Variants in STXBP4 observed in about 807,000 individuals in gnomAD.
STXBP4 encodes the protein syntaxin-binding protein 4.
STXBP4 carries 55 observed loss-of-function variants against 76.1 expected under a neutral mutation model. That is an observed-to-expected ratio of 0.72 (90% CI 0.58 to 0.91). The LOEUF (loss-of-function observed/expected upper bound fraction) is 0.91, where lower values mean the gene tolerates loss of function less well. Among genes scored for constraint, STXBP4 ranks in the 40% least tolerant of loss-of-function variants. The pLI is 0.00. For missense variants in STXBP4, 618 were observed against 636.9 expected (o/e 0.97, Z 0.32); for synonymous variants, 201 against 220.2 (o/e 0.91, Z 0.77).
chr17:55,023,276 G>A (rs1336832154), intron 8 of STXBP4, among the ~76,000 whole-genome samples: 2 of 152,112 alleles, frequency 1.3e-5, no homozygotes, highest in African/African-American at 4.8e-5. Context: ...ATGAATATAG[G>A]GTTGAGTCTC....
chr17:55,121,133 A>G (rs1356602482), intron 16 of STXBP4, among the ~76,000 whole-genome samples: 2 of 152,190 alleles, frequency 1.3e-5, no homozygotes, highest in Admixed American at 1.3e-4. Flanking sequence ...AGTACCCTCA[A>G]AGAGCTAGCA....
chr17:55,079,713 G>T (rs1183896525), intron 15 of STXBP4, among the ~76,000 whole-genome samples: 1 of 151,944 alleles, frequency 6.6e-6, no homozygotes, highest in Non-Finnish European at 1.5e-5. Context: ...GGAGATTGAG[G>T]CTGCAATGAG....
chr17:55,113,478 C>T (rs992835921), intron 16 of STXBP4, among the ~76,000 whole-genome samples: 4 of 151,934 alleles, frequency 2.6e-5, no homozygotes, highest in Non-Finnish European at 5.9e-5. Context: ...CTGCTTATGC[C>T]CAGATTTCTG....
At chr17:55,185,594 T>C in the STXBP4 span, among the ~76,000 whole-genome samples, 1 of 152,156 alleles carries the variant, frequency 6.6e-6, no homozygotes, top group African/African-American at 2.4e-5. Flanking sequence ...CATTATAACA[T>C]GAGCAACTTC....
At chr17:54,985,343 A>G (rs1006615519) in intron 1 of STXBP4, among the ~76,000 whole-genome samples, 4 of 152,156 alleles carry the variant, frequency 2.6e-5, no homozygotes, top group Non-Finnish European at 5.9e-5. Context: ...CAACAACAAC[A>G]ACAACAACAA....
At chr17:54,998,772 G>A (rs2077856788) in intron 4 of STXBP4, among the ~76,000 whole-genome samples, 1 of 152,090 alleles carries the variant, frequency 6.6e-6, no homozygotes, top group Admixed American at 6.5e-5. Context: ...GATTGCTTGA[G>A]CCCAGGAGTT....
intron 16 of STXBP4, among the ~76,000 whole-genome samples, chr17:55,140,058 C>A (rs910133388): frequency 6.6e-6 from 1 of 152,098 alleles, no homozygotes. Flanking sequence ...AATTCTATCA[C>A]TTTGGGAGGC....
chr17:55,183,328 G>C, the STXBP4 span, among the ~76,000 whole-genome samples: 2 of 152,192 alleles, frequency 1.3e-5, no homozygotes, highest in African/African-American at 4.8e-5. Flanking sequence ...GCTCATGCCT[G>C]TAAACCCAGC....
chr17:55,146,259 A>G (rs1381926193), intron 17 of STXBP4, among the ~76,000 whole-genome samples: 1 of 152,188 alleles, frequency 6.6e-6, no homozygotes, highest in African/African-American at 2.4e-5. Context: ...TGCATAATAA[A>G]TTTCTCCAAA....
the STXBP4 span, among the ~76,000 whole-genome samples, chr17:55,206,302 C>A: frequency 1.3e-4 from 20 of 152,096 alleles, no homozygotes; most frequent in African/African-American, 4.6e-4. Flanking sequence ...TGCCCCCCAA[C>A]CCCATTCATA....
intron 12 of STXBP4, among the ~76,000 whole-genome samples, chr17:55,053,768 C>A (rs930138335): frequency 7.2e-5 from 11 of 151,944 alleles, no homozygotes; most frequent in African/African-American, 2.2e-4. Context: ...ATGGCCAGAT[C>A]TTTTTACATT....
At chr17:55,002,353 T>C (rs2077935579) in intron 7 of STXBP4, among the ~76,000 whole-genome samples, 1 of 152,230 alleles carries the variant, frequency 6.6e-6, no homozygotes, top group South Asian at 2.1e-4. Flanking sequence ...ATGTGTAGAA[T>C]ACAGTACAAC....
intron 16 of STXBP4, among the ~76,000 whole-genome samples, chr17:55,094,531 C>T (rs189527354): frequency 2.0e-5 from 3 of 152,214 alleles, no homozygotes; most frequent in African/African-American, 7.2e-5. Flanking sequence ...AGTGTGTCAG[C>T]ATGTATAACT....
intron 6 of STXBP4, chr17:55,000,304 T>G (rs1192372315): frequency 1.0e-6 from 1 of 974,710 alleles, no homozygotes; most frequent in Non-Finnish European, 1.2e-6. Flanking sequence ...TTCACCCAAG[T>G]AGAATCACAC....
chr17:55,061,636 A>T (rs1387524100), intron 12 of STXBP4, among the ~76,000 whole-genome samples: 1 of 152,188 alleles, frequency 6.6e-6, no homozygotes, highest in African/African-American at 2.4e-5. Context: ...CCACAGCCAC[A>T]TCCTACCTGC....
At chr17:55,116,708 A>G (rs995984534) in intron 16 of STXBP4, among the ~76,000 whole-genome samples, 3 of 151,836 alleles carry the variant, frequency 2.0e-5, no homozygotes, top group African/African-American at 7.2e-5. Flanking sequence ...AAAGGAGGCA[A>G]TTGTTAAGTT....
At chr17:55,150,919 C>T (rs2080209270) in intron 17 of STXBP4, among the ~76,000 whole-genome samples, 1 of 152,208 alleles carries the variant, frequency 6.6e-6, no homozygotes, top group African/African-American at 2.4e-5. Context: ...TCTGGATTAT[C>T]CAAATGGGTC....
At position 55,034,228 on chromosome 17, in the gene STXBP4, C is replaced by T; in HGVS notation, c.824C>T (p.Ala275Val). Residue 275 changes from alanine to valine, a missense_variant, in exon 10 of 18, where the codon GCA becomes GTA. Transcript: ENST00000376352. ...CAGTTGGATGAAGTAAATGTTGGTG[C>T]ACATGAAATTTCCAATATATTAGAT... Reference protein sequence around the residue: ...CLQLDEVNVGAHEISNILDSQ... With the variant: ...CLQLDEVNVGVHEISNILDSQ... The T allele has an allele frequency of 1.9e-6, 3 of 1,611,816 alleles. No individual in the cohort carries two copies. Among genetic ancestry groups the T allele is most frequent in the Non-Finnish European group, 2.5e-6 (3 of 1,178,578 alleles).
intron 12 of STXBP4, among the ~76,000 whole-genome samples, chr17:55,071,774 G>A (rs987612634): frequency 6.6e-6 from 1 of 152,116 alleles, no homozygotes; most frequent in Non-Finnish European, 1.5e-5. Context: ...CACTTCAAAT[G>A]TATTTAGGCT....
Sources: allele counts gnomAD v4.1 joint callset (sites outside exome capture counted in the v4.1 genomes callset), GRCh38; gene constraint gnomAD v4.1.1; transcripts MANE v1.5; gene names NCBI Gene and HGNC (gene_info 2026-07-23, HGNC 2026-07-21).